Variants in PCDHGB2 observed in about 807,000 individuals in gnomAD.
PCDHGB2 encodes the protein protocadherin gamma subfamily B, 2, also known as protocadherin gamma-B2.
PCDHGB2 carries 55 observed loss-of-function variants against 59.3 expected under a neutral mutation model. That is an observed-to-expected ratio of 0.93 (90% CI 0.75 to 1.16). PCDHGB2 has a LOEUF of 1.16. Ranked by LOEUF, PCDHGB2 falls within the 50% of genes most tolerant of loss-of-function variation. The pLI is 0.00. For missense variants in PCDHGB2, 1,228 were observed against 1,198.5 expected, an observed-to-expected ratio of 1.02 and a Z score of -0.36; for synonymous variants, 516 against 512.0, an observed-to-expected ratio of 1.01 and a Z score of -0.11.
Position 141,431,364 on chromosome 5 carries a change from G to T in PCDHGB2, c.2422-63443G>T, listed in dbSNP as rs773688069. 3 of 1,613,892 alleles carry T rather than the reference G, an allele frequency of 1.9e-6. No individual in the cohort carries two copies. The East Asian group carries it at 6.7e-5, about 36-fold the overall frequency. ...TTGGTGCTGAAACGCGCCCTGGACC[G>T]CGAAGAAAAGGCTGCTCACCACCTG... On this transcript the variant is annotated intron_variant, in intron 1 of 3. Coordinates refer to ENST00000522605, the MANE Select transcript of PCDHGB2 (RefSeq NM_018923.3). The surrounding 1 kb of genome is among the most constrained non-coding windows in gnomAD (Gnocchi z 4.8).
intron 1 of PCDHGB2, chr5:141,374,343 C>A (rs753543776): frequency 6.2e-7 from 1 of 1,613,990 alleles, no homozygotes; most frequent in Admixed American, 1.7e-5. Flanking sequence ...TTGGTCACCG[C>A]GGGTAGGATA....
At chr5:141,419,504 C>A in intron 1 of PCDHGB2, 1 of 1,612,298 alleles carries the variant, frequency 6.2e-7, no homozygotes, top group Non-Finnish European at 8.5e-7. Flanking sequence ...TGTGAGCCTG[C>A]GCGTGTTGGT....
At chr5:141,452,084 C>CGG (rs1561946918) in intron 1 of PCDHGB2, among the ~76,000 whole-genome samples, 1 of 152,170 alleles carries the variant, frequency 6.6e-6, no homozygotes, top group Non-Finnish European at 1.5e-5. Context: ...TGGCATTATA[C>CGG]AGTAAGAAAG....
At chr5:141,418,882 C>T (rs945382775) in intron 1 of PCDHGB2, 8 of 1,613,960 alleles carry the variant, frequency 5.0e-6, no homozygotes, top group Admixed American at 1.7e-5. Flanking sequence ...TAGACGAAAA[C>T]GACAACAGCC....
intron 1 of PCDHGB2, among the ~76,000 whole-genome samples, chr5:141,479,138 T>G (rs1469363480): frequency 6.6e-6 from 1 of 152,232 alleles, no homozygotes; most frequent in Non-Finnish European, 1.5e-5. Flanking sequence ...GCACCCTGCT[T>G]ACAAAATATT....
At chr5:141,435,058 A>G (rs1161891073) in intron 1 of PCDHGB2, among the ~76,000 whole-genome samples, 3 of 152,234 alleles carry the variant, frequency 2.0e-5, no homozygotes, top group East Asian at 3.9e-4. Flanking sequence ...ACCATGCAGC[A>G]GTTTTGTGTA....
Position 141,431,724 on chromosome 5 carries a change from T to C in PCDHGB2, c.2422-63083T>C, listed in dbSNP as rs758754345. The C allele has an allele frequency of 6.2e-7, 1 of 1,614,036 alleles. No individual in the cohort carries two copies. Among genetic ancestry groups the C allele is most frequent in the Non-Finnish European group, 8.5e-7 (1 of 1,180,036 alleles). On this transcript the variant is annotated intron_variant, in intron 1 of 3. Coordinates refer to ENST00000522605, the MANE Select transcript of PCDHGB2 (RefSeq NM_018923.3). This position sits in a 1 kb window ranked among gnomAD's most constrained non-coding sequence, Gnocchi z 4.8. The stretch of plus-strand genomic sequence containing the variant: ...TTCTACCAGATGGAAGTGCAAGCAA[T>C]GGATAATGCAGGATATTCTGCGCGA...
chr5:141,388,889 C>A, intron 1 of PCDHGB2: 2 of 1,613,954 alleles, frequency 1.2e-6, no homozygotes, highest in Non-Finnish European at 1.7e-6. Flanking sequence ...AGGTAGAAGT[C>A]ATAGATGAAA....
At chr5:141,374,277 G>T in intron 1 of PCDHGB2, 2 of 1,613,958 alleles carry the variant, frequency 1.2e-6, no homozygotes, top group African/African-American at 1.3e-5. Context: ...CACGGAGTCC[G>T]CATCGTCTCC....
At chr5:141,430,021 T>C (rs2097257368) in intron 1 of PCDHGB2, among the ~76,000 whole-genome samples, 1 of 152,226 alleles carries the variant, frequency 6.6e-6, no homozygotes, top group Admixed American at 6.5e-5. Context: ...TGGGTTCTTG[T>C]TAAGTGTGAT....
rs767330174 is a variant in PCDHGB2, at chr5:141,491,818, C to T, written c.2422-2989C>T. The T allele has an allele frequency of 1.6e-5, 24 of 1,481,560 alleles. No homozygotes were observed. The highest frequency in any genetic ancestry group is 1.9e-5 in the Non-Finnish European group (21 of 1,116,446). 91.8% of individuals were successfully genotyped at this position (1,481,560 alleles called of 1,614,324 possible). A position where few individuals can be genotyped will look rare whatever the true frequency, so the allele number is the denominator to read the frequency against. On this transcript the variant is annotated intron_variant, in intron 1 of 3. Transcript: ENST00000522605. This position sits in a 1 kb window ranked among gnomAD's most constrained non-coding sequence, Gnocchi z 6.9. ...CTCCGGCCGGCTTGGTCGCTGGCTGCGCTCCACCCGATTCTCGGGATCATT... is the reference window on the plus strand; with the variant it reads ...CTCCGGCCGGCTTGGTCGCTGGCTGTGCTCCACCCGATTCTCGGGATCATT...
chr5:141,371,606 G>A, intron 1 of PCDHGB2: 2 of 1,614,010 alleles, frequency 1.2e-6, no homozygotes, highest in South Asian at 2.2e-5. Context: ...CATACAGGTT[G>A]GTGACAGATG....
chr5:141,419,872 A>G (rs1354880437), intron 1 of PCDHGB2: 1 of 1,614,094 alleles, frequency 6.2e-7, no homozygotes, highest in Admixed American at 1.7e-5. Flanking sequence ...TGCAAGAGGT[A>G]CTGCCGGATT....
At chr5:141,364,501 G>A in intron 1 of PCDHGB2, 1 of 1,614,044 alleles carries the variant, frequency 6.2e-7, no homozygotes, top group Non-Finnish European at 8.5e-7. Context: ...TGGAGCCCCA[G>A]GAGCTGGCGG....
rs758139838 is a variant in PCDHGB2, at chr5:141,431,419, G to C, written c.2422-63388G>C. The C allele has an allele frequency of 1.5e-5, 25 of 1,613,700 alleles. No individual in the cohort carries two copies. The highest frequency in any genetic ancestry group is 2.0e-5 in the Non-Finnish European group (24 of 1,180,046). On this transcript the variant is annotated intron_variant, in intron 1 of 3. Coordinates refer to ENST00000522605, the MANE Select transcript of PCDHGB2 (RefSeq NM_018923.3). This position sits in a 1 kb window ranked among gnomAD's most constrained non-coding sequence, Gnocchi z 4.8. ...TTACGGCCTCCGACGGGGGCGACCC[G>C]GTGCGCACAGGCACCGCGCGCATCC... is the stretch of plus-strand genomic sequence containing the variant.
intron 1 of PCDHGB2, chr5:141,376,193 T>C: frequency 6.2e-7 from 1 of 1,614,164 alleles, no homozygotes; most frequent in East Asian, 2.2e-5. Flanking sequence ...CTCCTGCGTC[T>C]TCCTGGCCTT....
At chr5:141,418,305 G>T in intron 1 of PCDHGB2, 1 of 1,614,026 alleles carries the variant, frequency 6.2e-7, no homozygotes, top group South Asian at 1.1e-5. Context: ...GTCAGCCTGG[G>T]GATGGGAACA....
At chr5:141,445,732 A>G (rs2098475548) in intron 1 of PCDHGB2, among the ~76,000 whole-genome samples, 1 of 152,230 alleles carries the variant, frequency 6.6e-6, no homozygotes, top group African/African-American at 2.4e-5. Context: ...ATGTGTAAAG[A>G]TCTTTTTAAA....
intron 1 of PCDHGB2, chr5:141,399,214 G>A: frequency 6.2e-7 from 1 of 1,613,956 alleles, no homozygotes; most frequent in African/African-American, 1.3e-5. Context: ...AACACTAATT[G>A]CTTTGATCAA....
Sources: gnomAD v4.1 joint callset for allele counts (sites outside exome capture counted in the v4.1 genomes callset) on GRCh38, gnomAD v4.1.1 for gene constraint, Gnocchi (gnomAD v3.1) non-coding constraint, MANE v1.5 for transcripts, NCBI Gene and HGNC (gene_info 2026-07-23, HGNC 2026-07-21) for gene names.